Variants in HK2 observed in about 807,000 individuals in gnomAD.
The protein encoded by HK2 is hexokinase-2.
HK2 carries 42 observed loss-of-function variants against 92.9 expected under a neutral mutation model. The observed-to-expected ratio is 0.45, with a 90% CI of 0.35 to 0.58. The LOEUF is 0.58. HK2 is among the 20% of genes least tolerant of loss of function. HK2 has a pLI of 0.00. For synonymous variants in HK2, 422 were observed against 468.0 expected (o/e 0.90, Z 1.27); for missense variants, 978 against 1,245.1 (o/e 0.79, Z 3.23).
chr2:74,872,915 C>T (rs921308331), intron 4 of HK2, among the ~76,000 whole-genome samples: 1 of 152,182 alleles, frequency 6.6e-6, no homozygotes, highest in African/African-American at 2.4e-5. Flanking sequence ...CCTGTTAACT[C>T]CTAGGCCACA....
intron 3 of HK2, among the ~76,000 whole-genome samples, chr2:74,871,278 A>T (rs1016947116): frequency 1.3e-5 from 2 of 152,202 alleles, no homozygotes; most frequent in Non-Finnish European, 2.9e-5. Context: ...GCCATGGTTT[A>T]GTCGAATCTT....
At position 74,872,234 on chromosome 2, in the gene HK2, G is replaced by A. The variant is rs1178417629; in HGVS notation, c.376-66G>A. 4.5e-6 allele frequency: 7 copies of A among 1,567,648 alleles called. No individual in the cohort carries two copies. The East Asian group carries it at 1.6e-4, about 35-fold the overall frequency. ...CAGCTAGTTACGTGCTGAGCCTGAA[G>A]TGCATGCCCTTAATCTCTATGCTGT... On this transcript the variant is annotated intron_variant, in intron 3 of 17. Coordinates refer to ENST00000290573, the MANE Select transcript of HK2 (RefSeq NM_000189.5).
intron 4 of HK2, among the ~76,000 whole-genome samples, chr2:74,872,850 A>G (rs1227201846): frequency 1.3e-5 from 2 of 152,196 alleles, no homozygotes; most frequent in African/African-American, 4.8e-5. Context: ...CATAGAGTGC[A>G]CTTACACAAA....
chr2:74,886,623 A>G lies in HK2; in HGVS notation c.2169A>G (p.Thr723=), dbSNP rs375435608. The G allele has an allele frequency of 1.5e-5, 24 of 1,613,956 alleles. No individual in the cohort carries two copies. The highest frequency in any genetic ancestry group is 1.9e-5 in the Non-Finnish European group (23 of 1,180,016). The change falls in exon 15 of 18, where the codon ACA becomes ACG. Residue 723 remains threonine, a synonymous_variant. Transcript: ENST00000290573. Reference sequence around the variant, plus strand: ...ATGGATGCCTAGATGACTTCCGCACAGAATTTGATGTGGCTGTGGATGAGC... The same window carrying G: ...ATGGATGCCTAGATGACTTCCGCACGGAATTTGATGTGGCTGTGGATGAGC... ...GDNGCLDDFR[T]EFDVAVDELS...
chr2:74,855,578 C>T (rs1313136832), intron 2 of HK2, among the ~76,000 whole-genome samples: 1 of 152,184 alleles, frequency 6.6e-6, no homozygotes, highest in Non-Finnish European at 1.5e-5. Flanking sequence ...GTGATTTAAT[C>T]AGGCAGGGGA....
At chr2:74,867,807 GC>G (rs1335951987) in intron 3 of HK2, 23 bp downstream of exon 3, 1 of 1,613,744 alleles carries the variant, frequency 6.2e-7, no homozygotes, top group East Asian at 2.2e-5. Context: ...TCTCAGGGCA[GC>G]CCCTGGTGAC....
chr2:74,880,141 G>A, intron 9 of HK2, 124 bp from the exon 10 acceptor site: 7 of 1,012,076 alleles, frequency 6.9e-6, no homozygotes, highest in South Asian at 1.3e-5. Context: ...GATGTTTAGG[G>A]CAGCACCCAC....
At chr2:74,842,410 G>A (rs1446875911) in intron 1 of HK2, among the ~76,000 whole-genome samples, 1 of 152,244 alleles carries the variant, frequency 6.6e-6, no homozygotes, top group South Asian at 2.1e-4. Flanking sequence ...TAGGTTAGGT[G>A]TACGAAATGC....
chr2:74,835,626 C>T (rs1688145443), intron 1 of HK2, among the ~76,000 whole-genome samples: 1 of 146,576 alleles, frequency 6.8e-6, no homozygotes, highest in Admixed American at 6.8e-5. Context: ...GGGCCGGGGC[C>T]GGGGACGGGC....
intron 2 of HK2, among the ~76,000 whole-genome samples, chr2:74,862,158 AACTTC>A (rs1688847320): frequency 6.6e-6 from 1 of 152,250 alleles, no homozygotes; most frequent in Admixed American, 6.5e-5. Context: ...AGGTACGCTG[AACTTC>A]ACTTTACAGA....
chr2:74,888,136 A>T lies in HK2; in HGVS notation c.2375+78A>T, dbSNP rs1689585530. On this transcript the variant is annotated intron_variant, in intron 16 of 17. Coordinates refer to ENST00000290573, the MANE Select transcript of HK2 (RefSeq NM_000189.5). ...GGCAGACAAACTGAAGGATTTCCAT[A>T]ACTCAGGGCATGACTCATACAAAAG... 8.8e-6 allele frequency: 13 copies of T among 1,484,958 alleles called. 1 individual carries two copies. The highest frequency in any genetic ancestry group is 1.7e-4 in the Middle Eastern group (1 of 5,772). 92.0% of individuals were successfully genotyped at this position (1,484,958 alleles called of 1,614,324 possible). A position where few individuals can be genotyped will look rare whatever the true frequency, so the allele number is the denominator to read the frequency against.
At position 74,878,655 on chromosome 2, in the gene HK2, C is replaced by G. The variant is rs370553215; in HGVS notation, c.1032-33C>G. The G allele has an allele frequency of 2.9e-5, 44 of 1,529,452 alleles. No homozygotes were observed. The African/African-American group carries it at 5.0e-4, about 18-fold the overall frequency. 94.7% of individuals were successfully genotyped at this position (1,529,452 alleles called of 1,614,324 possible). A position where few individuals can be genotyped will look rare whatever the true frequency, so the allele number is the denominator to read the frequency against. ...CACACACTGGCCACAGTGGGTCAGA[C>G]ACAGGCCCACATGCTATCTTTCTGT... On this transcript the variant is annotated intron_variant, in intron 8 of 17. Transcript: ENST00000290573.
Position 74,878,863 on chromosome 2 carries a change from G to A in HK2, c.1207G>A (p.Glu403Lys), listed in dbSNP as rs1292895170. 6 of 1,552,798 alleles carry A rather than the reference G, an allele frequency of 3.9e-6. No homozygotes were observed. Among genetic ancestry groups the A allele is most frequent in the Non-Finnish European group, 1.7e-6 (2 of 1,147,624 alleles). ...GCAGCGCATCAAGGAGAACAAAGGC[G>A]AGGAGCGGCTGCGCTCTACTATTGG... Reference protein sequence around the residue: ...VLQRIKENKGEERLRSTIGVD... With the variant: ...VLQRIKENKGKERLRSTIGVD... Residue 403 changes from glutamate (E) to lysine (K), a missense_variant, in exon 9 of 18, where the codon GAG (glutamate) becomes AAG (lysine). This residue lies in a region of HK2 where 742 missense variants were observed against 922.5 expected (regional missense o/e 0.80). Coordinates refer to ENST00000290573, the MANE Select transcript of HK2 (RefSeq NM_000189.5).
Position 74,874,337 on chromosome 2 carries a change from A to T in HK2, c.763A>T (p.Met255Leu). 1 of 1,614,114 alleles carries T rather than the reference A, an allele frequency of 6.2e-7. No individual in the cohort carries two copies. The highest frequency in any genetic ancestry group is 8.5e-7 in the Non-Finnish European group (1 of 1,180,024). The change falls in exon 7 of 18, where the codon ATG becomes TTG. Residue 255 changes from methionine to leucine, a missense_variant. By Grantham distance (15) the Met-to-Leu change is conservative. This residue lies in a region of HK2 where 742 missense variants were observed against 922.5 expected (regional missense o/e 0.80). Transcript: ENST00000290573. ...IDMVEGDEGR[M>L]CINMEWGAFG... ...CATGGTGGAAGGCGATGAGGGGCGG[A>T]TGTGTATCAATATGGAGTGGGGGGC... is the stretch of plus-strand genomic sequence containing the variant.
chr2:74,886,525 C>A lies in HK2; in HGVS notation c.2071C>A (p.Arg691Ser). The part of the protein sequence containing the change: ...GSNACYMEEM[R>S]NVELVEGEEG... ...CAATGCCTGCTACATGGAGGAGATG[C>A]GCAACGTGGAACTGGTGGAAGGAGA... is the stretch of plus-strand genomic sequence containing the variant. Residue 691 changes from arginine to serine, a missense_variant, in exon 15 of 18, where the codon CGC becomes AGC. By Grantham distance (110) the Arg-to-Ser change is moderately radical. Coordinates refer to ENST00000290573, the MANE Select transcript of HK2 (RefSeq NM_000189.5). 3 of 1,613,842 alleles carry A rather than the reference C, an allele frequency of 1.9e-6. No homozygotes were observed. The highest frequency in any genetic ancestry group is 2.5e-6 in the Non-Finnish European group (3 of 1,179,940).
At chr2:74,836,339 A>G (rs1014441912) in intron 1 of HK2, among the ~76,000 whole-genome samples, 2 of 152,182 alleles carry the variant, frequency 1.3e-5, no homozygotes, top group Admixed American at 6.5e-5. Flanking sequence ...CAATCTTGGA[A>G]TGGGGGTCAT....
intron 9 of HK2, among the ~76,000 whole-genome samples, chr2:74,879,149 G>A (rs1449672832): frequency 2.0e-5 from 3 of 152,278 alleles, no homozygotes; most frequent in South Asian, 2.1e-4. Context: ...CGGGCTCTCC[G>A]CAGAGCTCCT....
intron 11 of HK2, 42 bp downstream of exon 11, chr2:74,881,901 G>T: frequency 6.2e-7 from 1 of 1,605,958 alleles, no homozygotes; most frequent in South Asian, 1.1e-5. Context: ...CCTGGTGGAC[G>T]TCACCTCTTG....
Position 74,885,584 on chromosome 2 carries a change from C to G in HK2, c.1930C>G (p.Arg644Gly), listed in dbSNP as rs754492021. 3.1e-6 allele frequency: 5 copies of G among 1,609,056 alleles called. No homozygotes were observed. Among genetic ancestry groups the G allele is most frequent in the Admixed American group, 3.3e-5 (2 of 59,972 alleles). ...VTLLKEAIHR[R>G]EEFDLDVVAV... is the part of the protein sequence containing the mutation. The stretch of plus-strand genomic sequence containing the variant: ...CCTGCTGAAGGAAGCGATCCACCGG[C>G]GAGAGGTAGGAGACACATGGCACGA... Residue 644 changes from arginine (R) to glycine (G), a missense_variant, in exon 13 of 18, where the codon CGA (arginine) becomes GGA (glycine). Coordinates refer to ENST00000290573, the MANE Select transcript of HK2 (RefSeq NM_000189.5).
Sources: gnomAD v4.1 joint callset for allele counts (sites outside exome capture counted in the v4.1 genomes callset) on GRCh38, gnomAD v4.1.1 for gene constraint, gnomAD v4.1.1 regional missense constraint, MANE v1.5 for transcripts, NCBI Gene and HGNC (gene_info 2026-07-23, HGNC 2026-07-21) for gene names.